CLTA: variants seen among roughly 807,000 people sequenced by gnomAD.
CLTA encodes clathrin, light polypeptide (Lca).
CLTA carries 9 observed loss-of-function variants against 26.9 expected under a neutral mutation model. The observed-to-expected ratio is 0.33, with a 90% CI of 0.20 to 0.58. The LOEUF is 0.58. CLTA is among the 20% of genes least tolerant of loss of function. The probability of loss-of-function intolerance (pLI) is 0.85; values close to 1 mark genes in which losing one functional copy is unlikely to be tolerated. For synonymous variants in CLTA, 120 were observed against 115.5 expected (o/e 1.04, Z -0.25); for missense variants, 278 against 294.2 (o/e 0.94, Z 0.40).
chr9:36,210,090 TTTTTTTTC>T (rs1217166459), intron 4 of CLTA, among the ~76,000 whole-genome samples: 6 of 149,810 alleles, frequency 4.0e-5, no homozygotes, highest in Non-Finnish European at 8.9e-5. Context: ...TCTTATTCTT[TTTTTTTTC>T]TTTTTTTCTT....
At chr9:36,197,827 A>G (rs991009519) in intron 2 of CLTA, among the ~76,000 whole-genome samples, 12 of 152,168 alleles carry the variant, frequency 7.9e-5, no homozygotes, top group Non-Finnish European at 1.8e-4. Flanking sequence ...TAAAGAAATC[A>G]CCATTCAAAT....
rs1481773015 is a variant in CLTA, at chr9:36,196,011, C to T, written c.218-1540C>T. 7.2e-5 allele frequency among the ~76,000 whole-genome samples: 11 copies of T among 151,946 alleles called. 1 individual carries two copies. Among genetic ancestry groups the T allele is most frequent in the Admixed American group, 7.2e-4 (11 of 15,258 alleles). Reference sequence around the variant, plus strand: ...CATATCCTGGCTGGGCGCAGTGGCTCATGCCTGTAATCCCAGCACTTTGGG... The same window carrying T: ...CATATCCTGGCTGGGCGCAGTGGCTTATGCCTGTAATCCCAGCACTTTGGG... On this transcript the variant is annotated intron_variant, in intron 1 of 4. Coordinates refer to ENST00000345519, the MANE Select transcript of CLTA (RefSeq NM_001833.4).
At chr9:36,210,036 AC>A (rs934865714) in intron 4 of CLTA, among the ~76,000 whole-genome samples, 5 of 145,996 alleles carry the variant, frequency 3.4e-5, no homozygotes, top group African/African-American at 1.3e-4. Flanking sequence ...TCTCCCCCTG[AC>A]CCCCCCAAAA....
intron 3 of CLTA, among the ~76,000 whole-genome samples, chr9:36,199,598 C>T (rs1226464414): frequency 1.3e-5 from 2 of 149,368 alleles, no homozygotes; most frequent in East Asian, 2.0e-4. Context: ...CTACAGGCGC[C>T]CGCCACTACG....
chr9:36,190,900 C>G, upstream of CLTA: 1 of 1,314,636 alleles, frequency 7.6e-7, no homozygotes, highest in Non-Finnish European at 9.9e-7. Context: ...CCTAGACCGA[C>G]CGGATACACG....
intron 3 of CLTA, among the ~76,000 whole-genome samples, chr9:36,202,358 T>G (rs1227450210): frequency 1.3e-5 from 2 of 152,160 alleles, no homozygotes; most frequent in Non-Finnish European, 2.9e-5. Flanking sequence ...CCAAGAATAC[T>G]TCATTTTTCA....
chr9:36,205,666 T>C (rs558208338), intron 4 of CLTA, among the ~76,000 whole-genome samples: 1 of 152,142 alleles, frequency 6.6e-6, no homozygotes, highest in South Asian at 2.1e-4. Flanking sequence ...GTTGCAGAAA[T>C]TTTTTTCAAG....
intron 1 of CLTA, 37 bp from the exon 2 acceptor site, chr9:36,197,514 A>T: frequency 6.5e-7 from 1 of 1,543,712 alleles, no homozygotes; most frequent in South Asian, 1.1e-5. Context: ...GTGTTTGACC[A>T]GTCCTTATTG....
At position 36,198,029 on chromosome 9, in the gene CLTA, C is replaced by G; in HGVS notation, c.255+441C>G. ...TTTTTTTTTTTTTTTGAGACAGTCTCACTGTCGCCCAGGCTAGAGTGCAGT... is the reference window on the plus strand; with the variant it reads ...TTTTTTTTTTTTTTTGAGACAGTCTGACTGTCGCCCAGGCTAGAGTGCAGT... On this transcript the variant is annotated intron_variant, in intron 2 of 4. Transcript: ENST00000345519. 1.6e-5 allele frequency among the ~76,000 whole-genome samples: 2 copies of G among 124,276 alleles called. 1 individual carries two copies. Among genetic ancestry groups the G allele is most frequent in the Non-Finnish European group, 3.2e-5 (2 of 62,600 alleles). The allele number at this position is 124,276 out of a possible 152,430, so 81.5% of individuals were successfully genotyped here.
rs940300742 is a variant in CLTA at position 36,191,224 on chromosome 9, C to T, written c.168C>T (p.Asp56=). 1.3e-6 allele frequency: 2 copies of T among 1,547,284 alleles called. No individual in the cohort carries two copies. Among genetic ancestry groups the T allele is most frequent in the Admixed American group, 2.0e-5 (1 of 51,150 alleles). Residue 56 remains aspartate, a synonymous_variant, in exon 1 of 5, where the codon GAC becomes GAT. Transcript: ENST00000345519. The part of the protein sequence containing the change: ...IENDEAFAIL[D]GGAPGPQPHG... ...ACGACGAGGCCTTCGCCATCCTGGA[C>T]GGCGGCGCCCCCGGGCCCCAGCCGC...
At chr9:36,197,145 A>G (rs1183678935) in intron 1 of CLTA, among the ~76,000 whole-genome samples, 3 of 152,230 alleles carry the variant, frequency 2.0e-5, no homozygotes, top group African/African-American at 4.8e-5. Context: ...ACTTTGCTCC[A>G]GCCTGGGCGA....
In CLTA at chr9:36,191,106, C is replaced by T; in HGVS notation, c.50C>T (p.Pro17Leu). Reference protein sequence around the residue: ...FGAPAGAPGGPALGNGVAGAG... With the variant: ...FGAPAGAPGGLALGNGVAGAG... ...GCCCCTGCCGGCGCCCCTGGCGGTCCCGCGCTGGGGAACGGAGTGGCCGGC... is the reference window on the plus strand; with the variant it reads ...GCCCCTGCCGGCGCCCCTGGCGGTCTCGCGCTGGGGAACGGAGTGGCCGGC... The change falls in exon 1 of 5, where the codon CCC (proline) becomes CTC (leucine). Residue 17 changes from proline (P) to leucine (L), a missense_variant. Transcript: ENST00000345519. 1 of 1,597,912 alleles carries T rather than the reference C, an allele frequency of 6.3e-7. No homozygotes were observed. Among genetic ancestry groups the T allele is most frequent in the Non-Finnish European group, 8.5e-7 (1 of 1,175,816 alleles).
chr9:36,202,890 C>T (rs1399661175), intron 3 of CLTA, among the ~76,000 whole-genome samples: 1 of 151,308 alleles, frequency 6.6e-6, no homozygotes, highest in Non-Finnish European at 1.5e-5. Context: ...GGTGCGATCT[C>T]AGCTCACTGC....
intron 2 of CLTA, 65 bp from the exon 3 acceptor site, chr9:36,198,914 A>T: frequency 9.4e-7 from 1 of 1,068,248 alleles, no homozygotes; most frequent in Non-Finnish European, 1.4e-6. Context: ...GTTCTAACTC[A>T]GGTGAAGTGC....
At chr9:36,198,867 T>G (rs1330072940) in intron 2 of CLTA, 112 bp from the exon 3 acceptor site, 3 of 639,642 alleles carry the variant, frequency 4.7e-6, no homozygotes, top group Non-Finnish European at 8.2e-6. Flanking sequence ...GAGTGAAAAC[T>G]CTGTCTCAAA....
intron 4 of CLTA, chr9:36,209,141 G>A: frequency 8.6e-7 from 1 of 1,166,238 alleles, no homozygotes; most frequent in South Asian, 1.4e-5. Flanking sequence ...GGTTAGGAAG[G>A]AGCCTTGGGA....
intron 1 of CLTA, among the ~76,000 whole-genome samples, chr9:36,194,620 G>A (rs115834464): frequency 1.3e-4 from 20 of 152,288 alleles, no homozygotes; most frequent in African/African-American, 4.8e-4. Flanking sequence ...TCAAACGTAG[G>A]TCTGCTTGAC....
chr9:36,209,206 TCTC>T, intron 4 of CLTA: 1 of 1,607,736 alleles, frequency 6.2e-7, no homozygotes, highest in Non-Finnish European at 8.5e-7. Flanking sequence ...TGTTTCTGCT[TCTC>T]AATGTTCTCT....
chr9:36,211,610 G>A lies in CLTA; in HGVS notation c.493G>A (p.Glu165Lys). ...QKTKANNRAA[E>K]EAFVNDIDES... Reference sequence around the variant, plus strand: ...TTTTGTTGTTGCTTCCAGGGCAGCAGAAGAAGCCTTTGTAAATGACATTGA... The same window carrying A: ...TTTTGTTGTTGCTTCCAGGGCAGCAAAAGAAGCCTTTGTAAATGACATTGA... Residue 165 changes from glutamate to lysine, a missense_variant, in exon 5 of 5, where the codon GAA (glutamate) becomes AAA (lysine). Transcript: ENST00000345519. 6.2e-7 allele frequency: 1 copy of A among 1,611,526 alleles called. No individual in the cohort carries two copies. The highest frequency in any genetic ancestry group is 8.5e-7 in the Non-Finnish European group (1 of 1,178,018).
Sources: gnomAD v4.1 joint callset for allele counts (sites outside exome capture counted in the v4.1 genomes callset) on GRCh38, gnomAD v4.1.1 for gene constraint, MANE v1.5 for transcripts, NCBI Gene and HGNC (gene_info 2026-07-23, HGNC 2026-07-21) for gene names.